PTPRU: variants seen among roughly 807,000 people sequenced by gnomAD.
The protein encoded by PTPRU is protein tyrosine phosphatase receptor type U, also known as receptor-type tyrosine-protein phosphatase U.
A neutral mutation model predicts 166.3 loss-of-function variants in PTPRU; 69 were observed. The observed-to-expected ratio is 0.41, with a 90% CI of 0.34 to 0.51. PTPRU has a LOEUF of 0.51. PTPRU is among the 20% of genes least tolerant of loss of function. The pLI is 0.09. For missense variants in PTPRU, 1,657 were observed against 2,013.7 expected (o/e 0.82, Z 3.39); for synonymous variants, 793 against 814.0 (o/e 0.97, Z 0.44).
chr1:29,292,297 A>G (rs1686677384), intron 15 of PTPRU, among the ~76,000 whole-genome samples: 1 of 152,222 alleles, frequency 6.6e-6, no homozygotes, highest in African/African-American at 2.4e-5. Context: ...CTGTAGGATC[A>G]GAGGGATCAG....
chr1:29,299,766 G>A (rs1271490188), intron 15 of PTPRU, among the ~76,000 whole-genome samples: 4 of 152,192 alleles, frequency 2.6e-5, no homozygotes, highest in Non-Finnish European at 2.9e-5. Flanking sequence ...AAGAGCACGA[G>A]GGCTTCTCCA....
chr1:29,263,783 A>G (rs1006933938), intron 7 of PTPRU, among the ~76,000 whole-genome samples: 5 of 152,116 alleles, frequency 3.3e-5, no homozygotes, highest in African/African-American at 9.7e-5. Context: ...GACCATTTCT[A>G]TATCTTCTTT....
chr1:29,321,196 ATTTTTTTTTTTTT>A (rs71025210), intron 26 of PTPRU, among the ~76,000 whole-genome samples: 1 of 100,384 alleles, frequency 1.0e-5, no homozygotes, highest in South Asian at 3.3e-4. Context: ...CAGCTGTCTG[ATTTTTTTTTTTTT>A]TTTTTTTTTT....
chr1:29,252,358 G>C (rs1045745275), intron 1 of PTPRU, among the ~76,000 whole-genome samples: 1 of 149,734 alleles, frequency 6.7e-6, no homozygotes, highest in Non-Finnish European at 1.5e-5. Context: ...ACCTCTGCCT[G>C]CTGGGTTCAA....
intron 15 of PTPRU, among the ~76,000 whole-genome samples, chr1:29,299,979 G>A (rs1329618601): frequency 7.2e-5 from 11 of 152,204 alleles, no homozygotes; most frequent in Admixed American, 7.2e-4. Flanking sequence ...GCACTCAGGG[G>A]CTTCCTTCCT....
chr1:29,325,801 G>C lies in PTPRU; in HGVS notation c.*140G>C. On this transcript the variant is annotated 3_prime_UTR_variant, in exon 30 of 30. Coordinates refer to ENST00000373779, the MANE Select transcript of PTPRU (RefSeq NM_133178.4). Reference sequence around the variant, plus strand: ...ACTGGAGTGGATGCTGGGCTATCTTGCTCCCCCTTCCACTGTGGGCAGGGC... The same window carrying C: ...ACTGGAGTGGATGCTGGGCTATCTTCCTCCCCCTTCCACTGTGGGCAGGGC... The C allele has an allele frequency of 1.0e-6, 1 of 972,998 alleles. No individual in the cohort carries two copies. The highest frequency in any genetic ancestry group is 1.7e-5 in the African/African-American group (1 of 60,434). 60.3% of individuals were successfully genotyped at this position (972,998 alleles called of 1,614,324 possible). A position where few individuals can be genotyped will look rare whatever the true frequency, so the allele number is the denominator to read the frequency against.
rs1557477459 is a variant in PTPRU, at chr1:29,310,772, C to CCACT, written c.2852_2855dup (p.Gln952HisfsTer7). On this transcript the variant is annotated frameshift_variant, in exon 19 of 30. Transcript: ENST00000373779. LOFTEE classifies it high-confidence loss of function. ...TACCACAGGTCAAACCACTTCATAG[C>CCACT]CACTCAAGGTACCTGGCACTTCTGC... 6.2e-7 allele frequency: 1 copy of CCACT among 1,613,986 alleles called. No homozygotes were observed. The highest frequency in any genetic ancestry group is 1.7e-5 in the Admixed American group (1 of 60,020).
At chr1:29,240,329 G>T (rs889282243) in intron 1 of PTPRU, among the ~76,000 whole-genome samples, 2 of 152,202 alleles carry the variant, frequency 1.3e-5, no homozygotes, top group Non-Finnish European at 2.9e-5. Context: ...GCTGAGGACA[G>T]AGACTGGGTT....
chr1:29,287,679 C>G (rs1316746239), intron 14 of PTPRU, among the ~76,000 whole-genome samples: 1 of 151,186 alleles, frequency 6.6e-6, no homozygotes. Context: ...ACTGCAAGCT[C>G]TGCCTCCCAG....
At chr1:29,259,604 A>AGGGGGGTGGGGGGGGGGGGGGGGGGGGG in intron 5 of PTPRU, 40 bp downstream of exon 5, 1 of 280,240 alleles carries the variant, frequency 3.6e-6, no homozygotes, top group African/African-American at 3.9e-5. Context: ...GCGGGGTGGG[A>AGGGGGGTGGGGGGGGGGGGGGGGGGGGG]GGGGGTTGGT....
chr1:29,255,563 G>A (rs1457057989), intron 2 of PTPRU, among the ~76,000 whole-genome samples, 157 bp downstream of exon 2: 1 of 152,142 alleles, frequency 6.6e-6, no homozygotes, highest in Non-Finnish European at 1.5e-5. Context: ...GGCTTTCTCT[G>A]GACACTGTCT....
At chr1:29,305,482 T>C in intron 18 of PTPRU, 54 bp downstream of exon 18, 1 of 1,552,950 alleles carries the variant, frequency 6.4e-7, no homozygotes, top group Non-Finnish European at 8.9e-7. Context: ...GCTCCAGGCT[T>C]ACTATCCAGG....
In PTPRU at chr1:29,316,551, G is replaced by C. The variant is rs186766552; in HGVS notation, c.3513+400G>C. 2.0e-3 allele frequency among the ~76,000 whole-genome samples: 302 copies of C among 152,290 alleles called. 1 individual carries two copies. The highest frequency in any genetic ancestry group is 7.1e-3 in the African/African-American group (294 of 41,562). On this transcript the variant is annotated intron_variant, in intron 24 of 29. Coordinates refer to ENST00000373779, the MANE Select transcript of PTPRU (RefSeq NM_133178.4). ...TGATGAAAATCCAGCTTTTATAACT[G>C]AAAAGTCTGAGGATCGTGCAGCTTC... is the stretch of plus-strand genomic sequence containing the variant.
chr1:29,297,985 C>T (rs539848093), intron 15 of PTPRU, among the ~76,000 whole-genome samples: 8 of 152,228 alleles, frequency 5.3e-5, no homozygotes, highest in Non-Finnish European at 7.4e-5. Flanking sequence ...GTGCTAGGCG[C>T]GGTGGCTCAC....
At chr1:29,318,008 G>A in intron 25 of PTPRU, 87 bp downstream of exon 25, 2 of 1,497,178 alleles carry the variant, frequency 1.3e-6, no homozygotes, top group Non-Finnish European at 1.8e-6. Flanking sequence ...CAAAGCTGAA[G>A]GCTCTGTTGG....
intron 22 of PTPRU, among the ~76,000 whole-genome samples, chr1:29,313,812 A>G (rs1240452236): frequency 6.6e-6 from 1 of 152,156 alleles, no homozygotes; most frequent in Non-Finnish European, 1.5e-5. Context: ...CTGTAATTGC[A>G]CCACTGTACT....
chr1:29,271,275 G>A lies in PTPRU; in HGVS notation c.1145-4173G>A, dbSNP rs915417661. Among the ~76,000 whole-genome samples, 2 of 152,206 alleles carry A rather than the reference G, an allele frequency of 1.3e-5. No individual in the cohort carries two copies. The highest frequency in any genetic ancestry group is 2.9e-5 in the Non-Finnish European group (2 of 68,046). ...CAGCGTGTGTTGACAGTTGAAGAGA[G>A]TGTGTCTGGGTGCCAGATGGTTTTT... is the stretch of plus-strand genomic sequence containing the variant. On this transcript the variant is annotated intron_variant, in intron 7 of 29. Coordinates refer to ENST00000373779, the MANE Select transcript of PTPRU (RefSeq NM_133178.4). This position sits in a 1 kb window ranked among gnomAD's most constrained non-coding sequence, Gnocchi z 4.4.
At chr1:29,283,121 C>G (rs990364418) in intron 12 of PTPRU, among the ~76,000 whole-genome samples, 172 bp downstream of exon 12, 24 of 150,932 alleles carry the variant, frequency 1.6e-4, no homozygotes, top group African/African-American at 4.9e-4. Context: ...CCCCATAGCC[C>G]TACCTCCTGT....
At chr1:29,266,031 T>C (rs564378363) in intron 7 of PTPRU, among the ~76,000 whole-genome samples, 3,716 of 144,646 alleles carry the variant, frequency 0.026, 188 homozygotes, top group African/African-American at 0.09. Context: ...TTTTTTTTTT[T>C]TTTTTTGATA....
Sources: gnomAD v4.1 joint callset for allele counts (sites outside exome capture counted in the v4.1 genomes callset) on GRCh38, gnomAD v4.1.1 for gene constraint, Gnocchi (gnomAD v3.1) non-coding constraint, MANE v1.5 for transcripts, NCBI Gene and HGNC (gene_info 2026-07-23, HGNC 2026-07-21) for gene names.